Variants in NAV2 observed in about 807,000 individuals in gnomAD.
NAV2 encodes helicase, APC down-regulated 1.
A neutral mutation model predicts 223.2 loss-of-function variants in NAV2; 54 were observed. The observed-to-expected ratio is 0.24, with a 90% CI of 0.19 to 0.30. The LOEUF (loss-of-function observed/expected upper bound fraction) is 0.30. NAV2 is among the 10% of genes least tolerant of loss of function. The pLI is 1.00. For synonymous variants in NAV2, 1,279 were observed against 1,239.3 expected, an observed-to-expected ratio of 1.03 and a Z score of -0.67; for missense variants, 2,806 against 3,147.5, an observed-to-expected ratio of 0.89 and a Z score of 2.60.
chr11:19,487,576 G>A (rs1012453841), intron 1 of NAV2, among the ~76,000 whole-genome samples: 1 of 152,158 alleles, frequency 6.6e-6, no homozygotes, highest in African/African-American at 2.4e-5. Flanking sequence ...TGGACTGCTT[G>A]CTTTGGTGAA....
intron 1 of NAV2, chr11:19,502,606 T>A (rs1478115050): frequency 6.6e-6 from 1 of 152,228 alleles, no homozygotes; most frequent in African/African-American, 2.4e-5. Context: ...TTCCCATTTG[T>A]TGGATGGGGC....
At chr11:19,915,536 T>C (rs1376867617) in intron 6 of NAV2, among the ~76,000 whole-genome samples, 2 of 152,254 alleles carry the variant, frequency 1.3e-5, no homozygotes, top group Non-Finnish European at 2.9e-5. Flanking sequence ...ATAATCGGCC[T>C]CTGCCACTGC....
chr11:19,808,662 A>G (rs989819440), intron 1 of NAV2, among the ~76,000 whole-genome samples: 6 of 152,230 alleles, frequency 3.9e-5, no homozygotes, highest in Admixed American at 2.0e-4. Flanking sequence ...TTTATTGTCT[A>G]TTAATAGTTG....
Position 20,008,736 on chromosome 11 carries a change from C to CTT in NAV2, c.2768+24500_2768+24501dup, listed in dbSNP as rs5790102. 1.4e-3 allele frequency among the ~76,000 whole-genome samples: 206 copies of CTT among 147,052 alleles called. 1 individual carries two copies. Among genetic ancestry groups the CTT allele is most frequent in the African/African-American group, 2.2e-3 (90 of 40,324 alleles). On this transcript the variant is annotated intron_variant, in intron 11 of 37. Transcript: ENST00000349880. Reference sequence around the variant, plus strand: ...AGTTAAAAATTGAAGTTCCTCAGACCTTTTTTTTTTTTCCGCCTGCTTGTT... The same window carrying CTT: ...AGTTAAAAATTGAAGTTCCTCAGACCTTTTTTTTTTTTTTCCGCCTGCTTGTT...
chr11:19,688,421 T>C (rs1320952800), intron 1 of NAV2, among the ~76,000 whole-genome samples: 1 of 152,224 alleles, frequency 6.6e-6, no homozygotes, highest in Non-Finnish European at 1.5e-5. Context: ...TCTCAGACTA[T>C]GCCGTGGTAA....
intron 1 of NAV2, among the ~76,000 whole-genome samples, chr11:19,493,354 T>C (rs2042692075): frequency 6.6e-6 from 1 of 152,216 alleles, no homozygotes; most frequent in Non-Finnish European, 1.5e-5. Flanking sequence ...CTCATAACTA[T>C]GTAGGAATCT....
chr11:20,082,720 T>G (rs1359412877), intron 25 of NAV2: 1 of 1,055,808 alleles, frequency 9.5e-7, no homozygotes, highest in East Asian at 2.4e-5. Context: ...AACCTCATCT[T>G]CCCAACATCC....
At chr11:20,017,788 A>G (rs1310216641) in intron 11 of NAV2, among the ~76,000 whole-genome samples, 1 of 152,206 alleles carries the variant, frequency 6.6e-6, no homozygotes, top group African/African-American at 2.4e-5. Context: ...TCTTTGCTAA[A>G]GACTCTCCTT....
At chr11:19,769,440 T>C (rs948040964) in intron 1 of NAV2, among the ~76,000 whole-genome samples, 21 of 152,226 alleles carry the variant, frequency 1.4e-4, no homozygotes, top group Non-Finnish European at 2.5e-4. Context: ...TTGTCCTCTC[T>C]GGACTTTTGG....
At chr11:19,839,279 G>A (rs1316190272) in intron 2 of NAV2, among the ~76,000 whole-genome samples, 2 of 152,146 alleles carry the variant, frequency 1.3e-5, no homozygotes, top group East Asian at 1.9e-4. Flanking sequence ...CTTTGCTTAC[G>A]TTGCTGTCAC....
At chr11:19,608,419 G>T (rs1367165287) in intron 1 of NAV2, among the ~76,000 whole-genome samples, 3 of 152,262 alleles carry the variant, frequency 2.0e-5, no homozygotes, top group Non-Finnish European at 4.4e-5. Flanking sequence ...GCTTATTAGT[G>T]CATGAACACA....
intron 1 of NAV2, among the ~76,000 whole-genome samples, chr11:19,531,558 G>C (rs924384397): frequency 1.3e-5 from 2 of 152,208 alleles, no homozygotes; most frequent in African/African-American, 4.8e-5. Context: ...ACAAGAGAAA[G>C]AAAGGAGTCT....
chr11:19,700,505 G>A (rs935047228), intron 1 of NAV2, among the ~76,000 whole-genome samples: 6 of 152,142 alleles, frequency 3.9e-5, no homozygotes, highest in African/African-American at 9.7e-5. Context: ...CCAATTAAGC[G>A]CAAACATCTG....
chr11:19,782,520 GA>G (rs200829914), intron 1 of NAV2, among the ~76,000 whole-genome samples: 8 of 152,040 alleles, frequency 5.3e-5, no homozygotes, highest in African/African-American at 1.9e-4. Context: ...TGAAGCCAGG[GA>G]AAAAAATTGT....
chr11:20,065,095 A>G (rs1315581053), intron 20 of NAV2, among the ~76,000 whole-genome samples: 1 of 152,220 alleles, frequency 6.6e-6, no homozygotes, highest in Admixed American at 6.5e-5. Context: ...AATTTCAAGA[A>G]AAACTACAAG....
At chr11:19,387,515 C>T (rs1421097582) in intron 1 of NAV2, among the ~76,000 whole-genome samples, 1 of 152,110 alleles carries the variant, frequency 6.6e-6, no homozygotes, top group African/African-American at 2.4e-5. Flanking sequence ...TTTTCTTCCC[C>T]TTCCCAGTTT....
intron 3 of NAV2, among the ~76,000 whole-genome samples, chr11:19,855,199 G>A (rs533730955): frequency 4.6e-5 from 7 of 152,248 alleles, no homozygotes; most frequent in Admixed American, 4.6e-4. Context: ...TTAGCGCAGT[G>A]CTTCAGGTTT....
chr11:19,881,551 A>G (rs533909012), intron 5 of NAV2, among the ~76,000 whole-genome samples: 79 of 152,304 alleles, frequency 5.2e-4, no homozygotes, highest in African/African-American at 1.8e-3. Context: ...TTAAATTGCT[A>G]TATGGCTCTC....
At chr11:19,498,414 G>C (rs1336217746) in intron 1 of NAV2, among the ~76,000 whole-genome samples, 1 of 152,222 alleles carries the variant, frequency 6.6e-6, no homozygotes, top group Non-Finnish European at 1.5e-5. Context: ...CTGAGCCTCA[G>C]TATGCTTTTC....
Sources: allele counts gnomAD v4.1 joint callset (sites outside exome capture counted in the v4.1 genomes callset), GRCh38; gene constraint gnomAD v4.1.1; transcripts MANE v1.5; gene names NCBI Gene and HGNC (gene_info 2026-07-23, HGNC 2026-07-21).